Variants in DRC11 observed in about 807,000 individuals in gnomAD.
DRC11 encodes the protein IQ and AAA domain-containing protein 1.
At chr2:236,349,690 G>A in the DRC11 span, among the ~76,000 whole-genome samples, 61,251 of 152,068 alleles carry the variant, frequency 0.4, 12,855 homozygotes, top group African/African-American at 0.5. The surrounding 1 kb of genome is among the most constrained non-coding windows in gnomAD (Gnocchi z 5.5). Flanking sequence ...GCATGGACAC[G>A]AAGAAGGGAA....
At chr2:236,459,527 A>ATATATG in the DRC11 span, among the ~76,000 whole-genome samples, 8 of 69,602 alleles carry the variant, frequency 1.1e-4, no homozygotes, top group Non-Finnish European at 1.8e-4. Flanking sequence ...ACATGTATAC[A>ATATATG]TGTATACGTA....
At chr2:236,440,658 G>A in the DRC11 span, among the ~76,000 whole-genome samples, 1 of 152,118 alleles carries the variant, frequency 6.6e-6, no homozygotes. Context: ...ACACCCAAAG[G>A]AGCAGTGGCA....
chr2:236,416,730 TATATATATATA>T, the DRC11 span, among the ~76,000 whole-genome samples: 2 of 38,318 alleles, frequency 5.2e-5, no homozygotes, highest in Non-Finnish European at 1.1e-4. Context: ...TTTATATATA[TATATATATATA>T]TATATATATA....
At chr2:236,390,482 G>A in the DRC11 span, among the ~76,000 whole-genome samples, 17 of 152,248 alleles carry the variant, frequency 1.1e-4, no homozygotes, top group Admixed American at 1.0e-3. This position sits in a 1 kb window ranked among gnomAD's most constrained non-coding sequence, Gnocchi z 5.9. Context: ...TGAAAGGTAA[G>A]GACTTACTTT....
chr2:236,460,440 C>G, the DRC11 span, among the ~76,000 whole-genome samples: 2 of 152,168 alleles, frequency 1.3e-5, no homozygotes, highest in Non-Finnish European at 2.9e-5. The surrounding 1 kb of genome is among the most constrained non-coding windows in gnomAD (Gnocchi z 4.0). Context: ...ACATCCACGG[C>G]CAGCCCCGTC....
At chr2:236,447,384 G>A in the DRC11 span, among the ~76,000 whole-genome samples, 2 of 151,676 alleles carry the variant, frequency 1.3e-5, no homozygotes, top group African/African-American at 2.4e-5. The surrounding 1 kb of genome is among the most constrained non-coding windows in gnomAD (Gnocchi z 4.6). Context: ...GCTGGGAGCT[G>A]GCGAGGAGAG....
At chr2:236,310,423 C>T in the DRC11 span, among the ~76,000 whole-genome samples, 1 of 152,230 alleles carries the variant, frequency 6.6e-6, no homozygotes, top group Non-Finnish European at 1.5e-5. This position sits in a 1 kb window ranked among gnomAD's most constrained non-coding sequence, Gnocchi z 5.5. Flanking sequence ...TTCATCAACT[C>T]ATTATTATCA....
the DRC11 span, among the ~76,000 whole-genome samples, chr2:236,355,495 C>T: frequency 1.1e-4 from 16 of 152,200 alleles, no homozygotes; most frequent in African/African-American, 1.9e-4. Flanking sequence ...TCTTCATGGA[C>T]GACCCACTCA....
At chr2:236,406,477 A>G in the DRC11 span, among the ~76,000 whole-genome samples, 933 of 152,256 alleles carry the variant, frequency 6.1e-3, 10 homozygotes, top group African/African-American at 0.021. The surrounding 1 kb of genome is among the most constrained non-coding windows in gnomAD (Gnocchi z 4.7). Flanking sequence ...ATATATTTTG[A>G]AATACATCTG....
chr2:236,320,043 G>A, the DRC11 span, among the ~76,000 whole-genome samples: 1 of 152,182 alleles, frequency 6.6e-6, no homozygotes. Flanking sequence ...GAGAGTGCTC[G>A]GTGAAAGATT....
At chr2:236,345,499 G>C in the DRC11 span, among the ~76,000 whole-genome samples, 1 of 152,152 alleles carries the variant, frequency 6.6e-6, no homozygotes, top group Non-Finnish European at 1.5e-5. Flanking sequence ...CCGTTCCCGG[G>C]TTTATTCAAG....
the DRC11 span, among the ~76,000 whole-genome samples, chr2:236,383,821 C>A: frequency 1.9e-4 from 29 of 152,042 alleles, no homozygotes; most frequent in South Asian, 5.4e-3. Context: ...CCACTCCCCC[C>A]ACCCCACAAC....
chr2:236,456,459 A>C, the DRC11 span, among the ~76,000 whole-genome samples: 1 of 152,284 alleles, frequency 6.6e-6, no homozygotes, highest in South Asian at 2.1e-4. This position sits in a 1 kb window ranked among gnomAD's most constrained non-coding sequence, Gnocchi z 5.4. Context: ...ACACCATCAC[A>C]TCACAAGACT....
chr2:236,443,738 G>A, the DRC11 span, among the ~76,000 whole-genome samples: 1,145 of 152,318 alleles, frequency 7.5e-3, 4 homozygotes, highest in Non-Finnish European at 0.012. This position sits in a 1 kb window ranked among gnomAD's most constrained non-coding sequence, Gnocchi z 4.4. Flanking sequence ...TATATACCCA[G>A]TAATGGGATT....
At chr2:236,441,242 T>A in the DRC11 span, 34 of 715,956 alleles carry the variant, frequency 4.7e-5, no homozygotes, top group Admixed American at 1.6e-4. Context: ...GAGGGTTCCC[T>A]GTAGATCAAG....
chr2:236,367,846 G>C, the DRC11 span: 1 of 320,050 alleles, frequency 3.1e-6, no homozygotes, highest in Non-Finnish European at 6.0e-6. The surrounding 1 kb of genome is among the most constrained non-coding windows in gnomAD (Gnocchi z 4.8). Context: ...CTAGTAATAG[G>C]AGCCTGTGGG....
the DRC11 span, among the ~76,000 whole-genome samples, chr2:236,353,490 G>A: frequency 5.6e-3 from 856 of 152,044 alleles, 11 homozygotes; most frequent in African/African-American, 0.02. This position sits in a 1 kb window ranked among gnomAD's most constrained non-coding sequence, Gnocchi z 5.0. Context: ...TTTGTGTTTC[G>A]GCATGCATGG....
chr2:236,462,936 C>G, the DRC11 span, among the ~76,000 whole-genome samples: 1 of 152,266 alleles, frequency 6.6e-6, no homozygotes, highest in Middle Eastern at 3.4e-3. This position sits in a 1 kb window ranked among gnomAD's most constrained non-coding sequence, Gnocchi z 6.4. Context: ...CTTCCCTCCC[C>G]CACTGCTTTT....
At chr2:236,353,498 T>G in the DRC11 span, among the ~76,000 whole-genome samples, 1 of 152,132 alleles carries the variant, frequency 6.6e-6, no homozygotes, top group African/African-American at 2.4e-5. The surrounding 1 kb of genome is among the most constrained non-coding windows in gnomAD (Gnocchi z 5.0). Flanking sequence ...TCGGCATGCA[T>G]GGGTTATGAA....
Sources: allele counts gnomAD v4.1 joint callset (sites outside exome capture counted in the v4.1 genomes callset), GRCh38; gene constraint gnomAD v4.1.1; non-coding constraint Gnocchi (gnomAD v3.1); transcripts MANE v1.5; gene names NCBI Gene and HGNC (gene_info 2026-07-23, HGNC 2026-07-21).